Variants in SNTG1 observed in about 807,000 individuals in gnomAD.
The protein encoded by SNTG1 is syntrophin gamma 1.
SNTG1 carries 39 observed loss-of-function variants against 74.7 expected under a neutral mutation model. That is an observed-to-expected ratio of 0.52 (90% CI 0.40 to 0.68). SNTG1 has a LOEUF of 0.68. Among genes scored for constraint, SNTG1 ranks in the 30% least tolerant of loss-of-function variants. SNTG1 has a pLI of 0.00. For missense variants in SNTG1, 685 were observed against 609.5 expected (o/e 1.12, Z -1.30); for synonymous variants, 254 against 217.1 (o/e 1.17, Z -1.49).
chr8:50,462,927 C>T (rs1350746916), intron 8 of SNTG1, among the ~76,000 whole-genome samples: 3 of 148,444 alleles, frequency 2.0e-5, no homozygotes, highest in African/African-American at 7.5e-5. Context: ...AGTGATTCTC[C>T]TGCCTCAGCC....
intron 9 of SNTG1, among the ~76,000 whole-genome samples, chr8:50,529,875 C>G (rs71511999): frequency 7.0e-6 from 1 of 143,154 alleles, no homozygotes; most frequent in Non-Finnish European, 1.6e-5. Flanking sequence ...TTTCTAAGAG[C>G]AGGCCACTTT....
chr8:50,527,816 T>C (rs914796444), intron 9 of SNTG1, among the ~76,000 whole-genome samples: 4 of 149,560 alleles, frequency 2.7e-5, no homozygotes, highest in African/African-American at 1.0e-4. Flanking sequence ...AATTTGGAGA[T>C]TACCTTTTCA....
intron 2 of SNTG1, among the ~76,000 whole-genome samples, chr8:50,273,819 G>A (rs1412216967): frequency 1.3e-5 from 2 of 152,174 alleles, no homozygotes; most frequent in Non-Finnish European, 2.9e-5. Context: ...TGAAGCCAAA[G>A]AGGGAGAAGA....
intron 1 of SNTG1, among the ~76,000 whole-genome samples, chr8:49,952,359 G>C (rs1352209275): frequency 6.6e-6 from 1 of 152,180 alleles, no homozygotes; most frequent in Non-Finnish European, 1.5e-5. Flanking sequence ...CTCCCTCTAA[G>C]GGTGAGAACC....
At chr8:50,627,668 G>C (rs1299054282) in intron 13 of SNTG1, among the ~76,000 whole-genome samples, 1 of 152,156 alleles carries the variant, frequency 6.6e-6, no homozygotes, top group Admixed American at 6.6e-5. Flanking sequence ...TAATTTGCTA[G>C]AGCAGCTCCC....
chr8:50,138,228 AC>A (rs2081538954), intron 1 of SNTG1, among the ~76,000 whole-genome samples: 1 of 152,032 alleles, frequency 6.6e-6, no homozygotes, highest in Admixed American at 6.6e-5. Flanking sequence ...TATGTTTTCC[AC>A]GGATGACGAA....
intron 9 of SNTG1, among the ~76,000 whole-genome samples, chr8:50,512,011 C>T (rs866273200): frequency 4.6e-5 from 7 of 151,974 alleles, no homozygotes; most frequent in South Asian, 2.1e-4. Context: ...TTCCTAGCCT[C>T]GATGGTCTTT....
chr8:50,759,034 G>C (rs2131729277), intron 18 of SNTG1, among the ~76,000 whole-genome samples: 1 of 152,174 alleles, frequency 6.6e-6, no homozygotes, highest in East Asian at 1.9e-4. Context: ...TCTCATTGTG[G>C]TTTTGATTTG....
At chr8:50,427,002 A>G (rs144844077) in intron 4 of SNTG1, among the ~76,000 whole-genome samples, 8 of 152,282 alleles carry the variant, frequency 5.3e-5, no homozygotes, top group Admixed American at 2.0e-4. Context: ...GATCACATGT[A>G]AATACTATGC....
intron 1 of SNTG1, among the ~76,000 whole-genome samples, chr8:49,930,331 G>T (rs1056688225): frequency 6.6e-6 from 1 of 151,784 alleles, no homozygotes; most frequent in Non-Finnish European, 1.5e-5. Flanking sequence ...TATTCAAAAA[G>T]TAATAAAGCA....
intron 12 of SNTG1, among the ~76,000 whole-genome samples, chr8:50,583,394 C>CAAA (rs58794829): frequency 1.9e-3 from 154 of 82,184 alleles, no homozygotes; most frequent in African/African-American, 3.1e-3. Context: ...GAGTGAGACT[C>CAAA]AAAAAAAAAA....
rs541485217 is a variant in SNTG1 at position 50,027,465 on chromosome 8, G to A, written c.-103+115234G>A. Among the ~76,000 whole-genome samples, 239 of 152,290 alleles carry A rather than the reference G, an allele frequency of 1.6e-3. 3 individuals carry two copies. Among genetic ancestry groups the A allele is most frequent in the African/African-American group, 5.5e-3 (230 of 41,568 alleles). Reference sequence around the variant, plus strand: ...TGGGTAAAGGGTCTTTGTAGACATAGTTAAGATGAGATTATATGGATTAGG... The same window carrying A: ...TGGGTAAAGGGTCTTTGTAGACATAATTAAGATGAGATTATATGGATTAGG... On this transcript the variant is annotated intron_variant, in intron 1 of 18. Transcript: ENST00000642720.
At chr8:50,520,266 C>G (rs535510225) in intron 9 of SNTG1, among the ~76,000 whole-genome samples, 47 of 152,292 alleles carry the variant, frequency 3.1e-4, no homozygotes, top group Non-Finnish European at 6.0e-4. Flanking sequence ...GGACCTCTTC[C>G]TAACACCTTA....
chr8:50,501,611 ATTTTTTT>A (rs57220646), intron 8 of SNTG1, among the ~76,000 whole-genome samples: 1 of 134,150 alleles, frequency 7.5e-6, no homozygotes, highest in African/African-American at 2.6e-5. Context: ...ATTTTTTTTT[ATTTTTTT>A]TTTTTTTTTT....
intron 1 of SNTG1, among the ~76,000 whole-genome samples, chr8:49,975,624 A>T (rs1338184329): frequency 6.6e-6 from 1 of 152,162 alleles, no homozygotes; most frequent in Admixed American, 6.6e-5. Context: ...CTCTCCAATA[A>T]CTATAACAGA....
At chr8:50,372,919 A>G (rs1257535113) in intron 2 of SNTG1, among the ~76,000 whole-genome samples, 5 of 152,198 alleles carry the variant, frequency 3.3e-5, no homozygotes, top group Admixed American at 6.5e-5. Context: ...GACAGTTGGT[A>G]AACAAAACAC....
chr8:49,986,640 A>C (rs2130237796), intron 1 of SNTG1, among the ~76,000 whole-genome samples: 1 of 151,766 alleles, frequency 6.6e-6, no homozygotes. Context: ...TTGGAGGCCA[A>C]GGAGGGCAGA....
intron 2 of SNTG1, among the ~76,000 whole-genome samples, chr8:50,233,581 A>C (rs139779411): frequency 1.8e-4 from 28 of 151,872 alleles, no homozygotes; most frequent in African/African-American, 6.0e-4. Context: ...TCAATTAAAC[A>C]CTAGCTTTGA....
At position 50,665,380 on chromosome 8, in the gene SNTG1, G is replaced by T. The variant is rs543368162; in HGVS notation, c.1038+6717G>T. On this transcript the variant is annotated intron_variant, in intron 15 of 18. Coordinates refer to ENST00000642720, the MANE Select transcript of SNTG1 (RefSeq NM_018967.5). ...TATTGGATTACAATTAGAAATATTGGTATGCAGCCTCAGTTTGTAGTGTGT... is the reference window on the plus strand; with the variant it reads ...TATTGGATTACAATTAGAAATATTGTTATGCAGCCTCAGTTTGTAGTGTGT... 2.0e-5 allele frequency among the ~76,000 whole-genome samples: 3 copies of T among 152,056 alleles called. No homozygotes were observed. In the South Asian group the frequency reaches 6.2e-4, roughly 32 times the overall value.
Sources: gnomAD v4.1 joint callset for allele counts (sites outside exome capture counted in the v4.1 genomes callset) on GRCh38, gnomAD v4.1.1 for gene constraint, MANE v1.5 for transcripts, NCBI Gene and HGNC (gene_info 2026-07-23, HGNC 2026-07-21) for gene names.